Variants in AP3M2 observed in about 807,000 individuals in gnomAD.
AP3M2 encodes AP-3 complex subunit mu-2.
Under a neutral mutation model 41.6 loss-of-function variants are expected in AP3M2, and 28 were observed. The observed-to-expected ratio is 0.67, with a 90% CI of 0.50 to 0.92. AP3M2 has a LOEUF of 0.92. Ranked by LOEUF, AP3M2 falls within the 40% of genes least tolerant of loss-of-function variation. The pLI is 0.00. For synonymous variants in AP3M2, 193 were observed against 186.4 expected (o/e 1.04, Z -0.29); for missense variants, 427 against 521.4 (o/e 0.82, Z 1.76).
Position 42,154,827 on chromosome 8 carries a change from C to T in AP3M2, c.140C>T (p.Pro47Leu), listed in dbSNP as rs762400472. 1.9e-6 allele frequency: 3 copies of T among 1,614,070 alleles called. No individual in the cohort carries two copies. The highest frequency in any genetic ancestry group is 2.5e-6 in the Non-Finnish European group (3 of 1,180,006). Residue 47 changes from proline (P) to leucine (L), a missense_variant, in exon 2 of 9, where the codon CCG (proline) becomes CTG (leucine). Physicochemically the swap from Pro to Leu is moderately conservative, Grantham distance 98. This residue lies in a region of AP3M2 where 104 missense variants were observed against 93.8 expected (regional missense o/e 1.11). Coordinates refer to ENST00000396926, the MANE Select transcript of AP3M2 (RefSeq NM_006803.4). ...GCTACTGAGGCAGAAAATGTGCCTC[C>T]GGTTATCCCTACCCCTCACCACTAT... Reference protein sequence around the residue: ...ERATEAENVPPVIPTPHHYLL... With the variant: ...ERATEAENVPLVIPTPHHYLL...
rs1804741504 is a variant in AP3M2 at position 42,169,673 on chromosome 8, A to C, written c.*612A>C. 6.6e-6 allele frequency: 1 copy of C among 152,218 alleles called. No homozygotes were observed. 9.4% of individuals were successfully genotyped at this position (152,218 alleles called of 1,614,324 possible). A position where few individuals can be genotyped will look rare whatever the true frequency, so the allele number is the denominator to read the frequency against. On this transcript the variant is annotated 3_prime_UTR_variant, in exon 9 of 9. Transcript: ENST00000396926. ...ATGTAGAAAACACTTGTACTTCTGG[A>C]AATGGACTGGAGACTTTTTAAATTT...
At chr8:42,158,486 G>A (rs1386002153) in intron 3 of AP3M2, among the ~76,000 whole-genome samples, 1 of 151,858 alleles carries the variant, frequency 6.6e-6, no homozygotes, top group Non-Finnish European at 1.5e-5. Context: ...TGGCCTCAGG[G>A]GATCCACCTG....
rs917193159 is a variant in AP3M2 at position 42,170,176 on chromosome 8, G to C, written c.*1115G>C. 2 of 152,232 alleles carry C rather than the reference G, an allele frequency of 1.3e-5. No homozygotes were observed. Among genetic ancestry groups the C allele is most frequent in the Non-Finnish European group, 1.5e-5 (1 of 68,050 alleles). The allele number at this position is 152,232 out of a possible 1,614,324, so 9.4% of individuals were successfully genotyped here. A position where few individuals can be genotyped will look rare whatever the true frequency, so the allele number is the denominator to read the frequency against. ...TTCCATCTGTCGCCCTAGAAAAAGA[G>C]AAAGCTTACCATCGAGGGTGTGGTT... On this transcript the variant is annotated 3_prime_UTR_variant, in exon 9 of 9. Transcript: ENST00000396926.
At chr8:42,155,039 A>C in intron 2 of AP3M2, 79 bp downstream of exon 2, 1 of 1,210,084 alleles carries the variant, frequency 8.3e-7, no homozygotes, top group Non-Finnish European at 1.2e-6. Context: ...TAAAGCCTCC[A>C]TTAAGAAACT....
Position 42,158,043 on chromosome 8 carries a change from G to A in AP3M2, c.376G>A (p.Glu126Lys). 1.9e-6 allele frequency: 3 copies of A among 1,614,100 alleles called. No homozygotes were observed. The highest frequency in any genetic ancestry group is 1.1e-5 in the South Asian group (1 of 91,080). Residue 126 changes from glutamate (E) to lysine (K), a missense_variant, in exon 3 of 9, where the codon GAG becomes AAG. Glu to Lys is a moderately conservative substitution (Grantham distance 56). Transcript: ENST00000396926. The part of the protein sequence containing the change: ...MLDNGFPLAT[E>K]SNILKELIKP... ...TGACAATGGTTTTCCATTGGCTACC[G>A]AGTCGAACATTCTTAAAGAACTCAT...
At chr8:42,157,469 G>C in intron 2 of AP3M2, among the ~76,000 whole-genome samples, 1 of 152,184 alleles carries the variant, frequency 6.6e-6, no homozygotes, top group East Asian at 1.9e-4. Context: ...GAATTTTCAG[G>C]TGTGCTAGCT....
intron 3 of AP3M2, among the ~76,000 whole-genome samples, chr8:42,159,567 C>T (rs961157366): frequency 1.3e-5 from 2 of 151,668 alleles, no homozygotes; most frequent in African/African-American, 4.8e-5. Context: ...AAATGTATTT[C>T]TTTTTTCATG....
At chr8:42,155,754 C>T in intron 2 of AP3M2, 1 of 225,188 alleles carries the variant, frequency 4.4e-6, no homozygotes, top group Non-Finnish European at 9.1e-6. Context: ...GAAGCGAGGG[C>T]CTTTTGGTTT....
At chr8:42,155,905 A>T in intron 2 of AP3M2, 1 of 449,108 alleles carries the variant, frequency 2.2e-6, no homozygotes, top group Non-Finnish European at 4.5e-6. Context: ...TCATATCTGC[A>T]CCACGTCTAG....
chr8:42,168,946 C>CT lies in AP3M2; in HGVS notation c.1157-14dup, dbSNP rs1353433509. 6 of 1,577,448 alleles carry CT rather than the reference C, an allele frequency of 3.8e-6. No homozygotes were observed. In the South Asian group the frequency reaches 6.9e-5, roughly 18 times the overall value. On this transcript the variant is annotated splice_polypyrimidine_tract_variant and intron_variant, in intron 8 of 8. Transcript: ENST00000396926. The stretch of plus-strand genomic sequence containing the variant: ...TAATACTCATGTCTATTTTCCCTCT[C>CT]TCCCTCCTTTCTAGGACTCAAGGTG...
chr8:42,161,908 A>G (rs1349500424), intron 3 of AP3M2, among the ~76,000 whole-genome samples: 3 of 152,210 alleles, frequency 2.0e-5, no homozygotes, highest in African/African-American at 7.2e-5. Context: ...CTCAGGCTCA[A>G]ATACTGTTTT....
chr8:42,160,185 T>A (rs1435671664), intron 3 of AP3M2, among the ~76,000 whole-genome samples: 36 of 152,210 alleles, frequency 2.4e-4, no homozygotes, highest in Non-Finnish European at 1.5e-5. Context: ...ATAATCCAGA[T>A]ATTCCAAAAT....
chr8:42,164,303 A>G (rs116640479), intron 4 of AP3M2, among the ~76,000 whole-genome samples: 217 of 152,246 alleles, frequency 1.4e-3, no homozygotes, highest in African/African-American at 5.0e-3. Context: ...GGCATGAGAG[A>G]ATGGACTCAT....
intron 2 of AP3M2, 62 bp downstream of exon 2, chr8:42,155,022 C>A: frequency 7.2e-7 from 1 of 1,390,564 alleles, no homozygotes; most frequent in Non-Finnish European, 1.0e-6. Context: ...GTCCTGTTTC[C>A]ATTGTGTAAA....
chr8:42,167,326 C>CCTTACT lies in AP3M2; in HGVS notation c.968_973dup (p.Leu323_Thr324dup), dbSNP rs1447045818. The CCTTACT allele has an allele frequency of 6.2e-7, 1 of 1,614,006 alleles. No homozygotes were observed. The highest frequency in any genetic ancestry group is 2.2e-5 in the East Asian group (1 of 44,888). ...TGCCCAAGGGGGTCCTGAACATGAG[C>CCTTACT]CTTACTCCATCACAGGGGACACACA... On this transcript the variant is annotated inframe_insertion, in exon 7 of 9. Coordinates refer to ENST00000396926, the MANE Select transcript of AP3M2 (RefSeq NM_006803.4).
rs899105667 is a variant in AP3M2 at position 42,169,726 on chromosome 8, G to A, written c.*665G>A. On this transcript the variant is annotated 3_prime_UTR_variant, in exon 9 of 9. Transcript: ENST00000396926. ...GTCCACTATTGACATGGAAACCCCA[G>A]TGGAATCAGATTTTCCCTCAAAGAC... The A allele has an allele frequency of 6.6e-6, 1 of 152,222 alleles. No individual in the cohort carries two copies. 9.4% of individuals were successfully genotyped at this position (152,222 alleles called of 1,614,324 possible).
chr8:42,168,844 T>G (rs987838390), intron 8 of AP3M2, 117 bp from the exon 9 acceptor site: 23 of 703,534 alleles, frequency 3.3e-5, no homozygotes, highest in Non-Finnish European at 5.2e-5. Flanking sequence ...CATAAGTGGT[T>G]CCCTGTCACA....
At chr8:42,165,190 A>T (rs898505439) in intron 5 of AP3M2, 34 bp downstream of exon 5, 2 of 1,590,414 alleles carry the variant, frequency 1.3e-6, no homozygotes, top group African/African-American at 2.7e-5. Flanking sequence ...AGTTCTTGGG[A>T]TGAGAAATTA....
rs912713020 is a variant in AP3M2 at position 42,170,527 on chromosome 8, T to C, written c.*1466T>C. The C allele has an allele frequency of 1.3e-5, 2 of 152,248 alleles. No individual in the cohort carries two copies. Among genetic ancestry groups the C allele is most frequent in the Admixed American group, 6.5e-5 (1 of 15,288 alleles). 9.4% of individuals were successfully genotyped at this position (152,248 alleles called of 1,614,324 possible). A position where few individuals can be genotyped will look rare whatever the true frequency, so the allele number is the denominator to read the frequency against. On this transcript the variant is annotated 3_prime_UTR_variant, in exon 9 of 9. Coordinates refer to ENST00000396926, the MANE Select transcript of AP3M2 (RefSeq NM_006803.4). The stretch of plus-strand genomic sequence containing the variant: ...TATAGCTTAAGGAATGATACTGTGC[T>C]CTGCTTGGTGCATGGAGAAAAAGGA...
Sources: gnomAD v4.1 joint callset for allele counts (sites outside exome capture counted in the v4.1 genomes callset) on GRCh38, gnomAD v4.1.1 for gene constraint, gnomAD v4.1.1 regional missense constraint, MANE v1.5 for transcripts, NCBI Gene and HGNC (gene_info 2026-07-23, HGNC 2026-07-21) for gene names.